Variants in PLPPR1 observed in about 807,000 individuals in gnomAD.
PLPPR1 encodes phospholipid phosphatase-related protein type 1.
In PLPPR1, 10 loss-of-function variants were observed where a neutral mutation model predicts 33.1. The ratio of observed to expected loss-of-function variants is 0.30; its 90% CI spans 0.19 to 0.51. The LOEUF (loss-of-function observed/expected upper bound fraction) is 0.51, where lower values mean the gene tolerates loss of function less well. Ranked by LOEUF, PLPPR1 falls within the 20% of genes least tolerant of loss-of-function variation. The pLI is 0.97. For synonymous variants in PLPPR1, 151 were observed against 151.0 expected, an observed-to-expected ratio of 1.00 and a Z score of 0.00; for missense variants, 304 against 408.1, an observed-to-expected ratio of 0.74 and a Z score of 2.20.
At chr9:101,147,694 GT>G (rs770912488) in intron 1 of PLPPR1, among the ~76,000 whole-genome samples, 28 of 152,204 alleles carry the variant, frequency 1.8e-4, no homozygotes, top group Non-Finnish European at 3.5e-4. Flanking sequence ...TTTTGGGAGT[GT>G]GGGGGGAAGG....
chr9:101,107,944 G>C (rs979150330), intron 1 of PLPPR1, among the ~76,000 whole-genome samples: 3 of 150,716 alleles, frequency 2.0e-5, no homozygotes, highest in Admixed American at 6.6e-5. Flanking sequence ...TCTTTGACTC[G>C]GAAAGGGAAC....
intron 1 of PLPPR1, among the ~76,000 whole-genome samples, chr9:101,154,236 G>C (rs1249692133): frequency 6.6e-6 from 1 of 152,194 alleles, no homozygotes; most frequent in African/African-American, 2.4e-5. Flanking sequence ...AAATGAGTTA[G>C]GGAGGATTCC....
chr9:101,161,663 AAATAT>A lies in PLPPR1; in HGVS notation c.-45-23783_-45-23779del, dbSNP rs1831774394. 2.0e-5 allele frequency among the ~76,000 whole-genome samples: 3 copies of A among 152,114 alleles called. No individual in the cohort carries two copies. The South Asian group carries it at 6.2e-4, about 32-fold the overall frequency. On this transcript the variant is annotated intron_variant, in intron 1 of 7. Coordinates refer to ENST00000374874, the MANE Select transcript of PLPPR1 (RefSeq NM_207299.2). ...CTGCCTACCTCACAGGAAGCATTCAAAATATAATCTTTTTATTAAAATAAAGACAA... is the reference window on the plus strand; with the variant it reads ...CTGCCTACCTCACAGGAAGCATTCAAAATCTTTTTATTAAAATAAAGACAA...
At position 101,073,116 on chromosome 9, in the gene PLPPR1, G is replaced by T. The variant is rs113884356; in HGVS notation, c.-46+44014G>T. On this transcript the variant is annotated intron_variant, in intron 1 of 7. Transcript: ENST00000374874. Reference sequence around the variant, plus strand: ...GGAGAGGAATGGGTCTGGGTTAGATGATCTGAGCACAAAGTAATAAATCAT... The same window carrying T: ...GGAGAGGAATGGGTCTGGGTTAGATTATCTGAGCACAAAGTAATAAATCAT... 6.7e-3 allele frequency among the ~76,000 whole-genome samples: 1,025 copies of T among 152,276 alleles called. 3 individuals carry two copies. Among genetic ancestry groups the T allele is most frequent in the Middle Eastern group, 0.01 (3 of 294 alleles).
intron 1 of PLPPR1, among the ~76,000 whole-genome samples, chr9:101,045,699 G>T (rs1261857979): frequency 2.6e-5 from 4 of 152,198 alleles, no homozygotes; most frequent in Non-Finnish European, 5.9e-5. Context: ...TGTGGACATA[G>T]TATAGGATAA....
At chr9:101,071,605 G>GAAGA (rs1830482609) in intron 1 of PLPPR1, among the ~76,000 whole-genome samples, 1 of 149,016 alleles carries the variant, frequency 6.7e-6, no homozygotes, top group Non-Finnish European at 1.5e-5. Context: ...GGAGTGAGAA[G>GAAGA]GAGAGAGAGA....
chr9:101,181,130 TTATATATCTAATATATATTAGATATGTAA>T (rs1008026332), intron 1 of PLPPR1, among the ~76,000 whole-genome samples: 5 of 147,660 alleles, frequency 3.4e-5, no homozygotes, highest in Admixed American at 2.1e-4. Flanking sequence ...ATTAGATATA[TTATATATCTAATATATATTAGATATGTAA>T]TATATATCTA....
chr9:101,236,403 C>T (rs1248618454), intron 2 of PLPPR1, among the ~76,000 whole-genome samples: 1 of 151,584 alleles, frequency 6.6e-6, no homozygotes, highest in African/African-American at 2.4e-5. Context: ...TTCTTCTCTT[C>T]CCTAGGAAAA....
chr9:101,319,556 T>C (rs550810065), intron 7 of PLPPR1, among the ~76,000 whole-genome samples: 1 of 152,376 alleles, frequency 6.6e-6, no homozygotes, highest in Non-Finnish European at 1.5e-5. Context: ...CCAAGTATTG[T>C]TTTGTTTTCC....
intron 2 of PLPPR1, among the ~76,000 whole-genome samples, chr9:101,228,728 G>T (rs1298218434): frequency 1.3e-5 from 2 of 152,006 alleles, no homozygotes; most frequent in African/African-American, 2.4e-5. Flanking sequence ...CACCATAAAC[G>T]CTAGACAGGA....
intron 1 of PLPPR1, among the ~76,000 whole-genome samples, chr9:101,172,722 C>A (rs1825960703): frequency 6.6e-6 from 1 of 152,044 alleles, no homozygotes; most frequent in African/African-American, 2.4e-5. Flanking sequence ...ACTTGAGATG[C>A]CATGGCCTCC....
At chr9:101,252,686 C>T (rs558673072) in intron 2 of PLPPR1, among the ~76,000 whole-genome samples, 4 of 152,198 alleles carry the variant, frequency 2.6e-5, no homozygotes, top group Admixed American at 1.3e-4. Context: ...TCCGAAGTAA[C>T]TTGGCCATGC....
In PLPPR1 at chr9:101,317,350, C is replaced by G; in HGVS notation, c.814-15C>G. The G allele has an allele frequency of 6.2e-7, 1 of 1,607,040 alleles. No homozygotes were observed. On this transcript the variant is annotated splice_polypyrimidine_tract_variant and intron_variant, in intron 6 of 7. Coordinates refer to ENST00000374874, the MANE Select transcript of PLPPR1 (RefSeq NM_207299.2). ...TGCAGTCTGACCCCATTCTTTTTTC[C>G]CCCTCATCCTGCAGGGAATGTGTGT...
chr9:101,112,914 C>G (rs777357667), intron 1 of PLPPR1, among the ~76,000 whole-genome samples: 5 of 152,220 alleles, frequency 3.3e-5, no homozygotes, highest in Non-Finnish European at 5.9e-5. Context: ...ACTGACCATT[C>G]AGATGTCTGC....
rs376488334 is a variant in PLPPR1, at chr9:101,323,696, G to A, written c.946-329G>A. On this transcript the variant is annotated intron_variant, in intron 7 of 7. Coordinates refer to ENST00000374874, the MANE Select transcript of PLPPR1 (RefSeq NM_207299.2). Reference sequence around the variant, plus strand: ...CTCTACTAAAACTACAAAATTAGCCGGGCATGGTGGTGCATGCCTGTAATC... The same window carrying A: ...CTCTACTAAAACTACAAAATTAGCCAGGCATGGTGGTGCATGCCTGTAATC... Among the ~76,000 whole-genome samples the A allele has an allele frequency of 4.7e-4, 72 of 151,792 alleles. 1 individual carries two copies. In the South Asian group the frequency reaches 6.7e-3, roughly 14 times the overall value.
At chr9:101,121,462 C>T (rs559653332) in intron 1 of PLPPR1, among the ~76,000 whole-genome samples, 66 of 152,302 alleles carry the variant, frequency 4.3e-4, no homozygotes, top group Non-Finnish European at 8.1e-4. Context: ...CACCAGGCCA[C>T]CTTTTATGAA....
At chr9:101,215,037 AAAAG>A (rs1425832787) in intron 2 of PLPPR1, among the ~76,000 whole-genome samples, 30 of 151,970 alleles carry the variant, frequency 2.0e-4, no homozygotes, top group African/African-American at 4.8e-4. Context: ...AAAAAAAAAA[AAAAG>A]AAAGAAAAGA....
At position 101,039,778 on chromosome 9, in the gene PLPPR1, A is replaced by G. The variant is rs577557455; in HGVS notation, c.-46+10676A>G. On this transcript the variant is annotated intron_variant, in intron 1 of 7. Coordinates refer to ENST00000374874, the MANE Select transcript of PLPPR1 (RefSeq NM_207299.2). Reference sequence around the variant, plus strand: ...ACCATCAGATCTCGTGAGACTCATTAACTATCGTGAGAACAGCACAGGAAA... The same window carrying G: ...ACCATCAGATCTCGTGAGACTCATTGACTATCGTGAGAACAGCACAGGAAA... Among the ~76,000 whole-genome samples, 8 of 152,182 alleles carry G rather than the reference A, an allele frequency of 5.3e-5. No individual in the cohort carries two copies. In the South Asian group the frequency reaches 1.7e-3, roughly 32 times the overall value.
At chr9:101,030,092 G>A (rs1296339016) in intron 1 of PLPPR1, among the ~76,000 whole-genome samples, 1 of 151,964 alleles carries the variant, frequency 6.6e-6, no homozygotes, top group East Asian at 1.9e-4. Context: ...TCGGCCCGAC[G>A]GAAAAGGTCC....
Sources: gnomAD v4.1 joint callset for allele counts (sites outside exome capture counted in the v4.1 genomes callset) on GRCh38, gnomAD v4.1.1 for gene constraint, MANE v1.5 for transcripts, NCBI Gene and HGNC (gene_info 2026-07-23, HGNC 2026-07-21) for gene names.